The following LRRC4C variants were observed in gnomAD, a reference collection of about 807,000 sequenced individuals.
The protein encoded by LRRC4C is leucine-rich repeat-containing protein 4C.
A neutral mutation model predicts 33.6 loss-of-function variants in LRRC4C; 5 were observed. That is an observed-to-expected ratio of 0.15 (90% CI 0.08 to 0.31). The LOEUF (loss-of-function observed/expected upper bound fraction) is 0.31. Among genes scored for constraint, LRRC4C ranks in the 10% least tolerant of loss-of-function variants. The pLI is 1.00. For synonymous variants in LRRC4C, 329 were observed against 302.0 expected, an observed-to-expected ratio of 1.09 and a Z score of -0.93; for missense variants, 560 against 796.7, an observed-to-expected ratio of 0.70 and a Z score of 3.58.
At chr11:41,302,666 A>C (rs1208019304) in intron 1 of LRRC4C, among the ~76,000 whole-genome samples, 1 of 152,196 alleles carries the variant, frequency 6.6e-6, no homozygotes. Context: ...AAATGTATTC[A>C]TTATTATTTT....
intron 3 of LRRC4C, among the ~76,000 whole-genome samples, chr11:40,462,898 A>G (rs1411677225): frequency 6.6e-6 from 1 of 152,080 alleles, no homozygotes; most frequent in Non-Finnish European, 1.5e-5. Flanking sequence ...CAAAAAATGG[A>G]TGAAGAATCT....
At chr11:40,676,406 G>T (rs1452648190) in intron 2 of LRRC4C, among the ~76,000 whole-genome samples, 15 of 152,250 alleles carry the variant, frequency 9.9e-5, no homozygotes, top group Non-Finnish European at 2.9e-5. Flanking sequence ...CTACACTGTA[G>T]GAATTCCCTC....
chr11:40,555,438 C>CA (rs1379764866), intron 3 of LRRC4C, among the ~76,000 whole-genome samples: 1 of 151,950 alleles, frequency 6.6e-6, no homozygotes, highest in Non-Finnish European at 1.5e-5. Context: ...TATTTTGGAC[C>CA]AAAAAACAGC....
chr11:40,455,568 T>C (rs1952092365), intron 3 of LRRC4C, among the ~76,000 whole-genome samples: 2 of 152,220 alleles, frequency 1.3e-5, no homozygotes, highest in Non-Finnish European at 2.9e-5. Flanking sequence ...GCTTGAATTG[T>C]TCATCTGTCC....
chr11:40,791,754 T>C (rs917979463), intron 2 of LRRC4C, among the ~76,000 whole-genome samples: 1 of 152,176 alleles, frequency 6.6e-6, no homozygotes. Context: ...AATAGTGTGT[T>C]CCTATTAGAT....
chr11:40,357,497 A>T (rs1230546709), intron 3 of LRRC4C, among the ~76,000 whole-genome samples: 1 of 152,150 alleles, frequency 6.6e-6, no homozygotes, highest in Admixed American at 6.6e-5. Context: ...ACCCAAATGA[A>T]CAGAGACGGT....
chr11:40,293,846 G>T (rs576803595), intron 4 of LRRC4C: 2 of 152,400 alleles, frequency 1.3e-5, no homozygotes, highest in Non-Finnish European at 1.5e-5. Context: ...GCTCCGCGCC[G>T]CCCTTAGCGC....
At chr11:41,096,889 C>T (rs1940842628) in intron 1 of LRRC4C, among the ~76,000 whole-genome samples, 1 of 152,262 alleles carries the variant, frequency 6.6e-6, no homozygotes, top group South Asian at 2.1e-4. Context: ...GAGTAAAGGT[C>T]ACCTTGGCTG....
chr11:40,158,180 G>A lies in LRRC4C; in HGVS notation c.-95-17327C>T, dbSNP rs186252886. Reference sequence around the variant, plus strand: ...ACTCAGGAATGTGAAACCATACATCGTATGTTCTCACTGATATGTGGGAGC... The same window carrying A: ...ACTCAGGAATGTGAAACCATACATCATATGTTCTCACTGATATGTGGGAGC... On this transcript the variant is annotated intron_variant, in intron 5 of 6. Coordinates refer to ENST00000528697, the MANE Select transcript of LRRC4C (RefSeq NM_001258419.2). Among the ~76,000 whole-genome samples the A allele has an allele frequency of 4.6e-5, 7 of 152,222 alleles. No homozygotes were observed. In the East Asian group the frequency reaches 5.8e-4, roughly 13 times the overall value.
chr11:40,522,178 C>A (rs1451065529), intron 3 of LRRC4C, among the ~76,000 whole-genome samples: 1 of 152,294 alleles, frequency 6.6e-6, no homozygotes, highest in Non-Finnish European at 1.5e-5. Flanking sequence ...CACATGCCAC[C>A]ATGCCTAGCT....
At chr11:41,174,255 G>A (rs1263528648) in intron 1 of LRRC4C, among the ~76,000 whole-genome samples, 2 of 151,968 alleles carry the variant, frequency 1.3e-5, no homozygotes, top group South Asian at 4.2e-4. Context: ...ATCACTTAAG[G>A]TCCCTAAAAA....
chr11:40,879,365 G>A (rs1955058473), intron 2 of LRRC4C, among the ~76,000 whole-genome samples: 1 of 152,166 alleles, frequency 6.6e-6, no homozygotes, highest in South Asian at 2.1e-4. Flanking sequence ...CAGAGCAGTT[G>A]TCAATAACAC....
intron 1 of LRRC4C, among the ~76,000 whole-genome samples, chr11:41,301,335 A>G (rs1278261198): frequency 2.6e-5 from 4 of 152,216 alleles, no homozygotes; most frequent in South Asian, 4.1e-4. Context: ...ATGAGAACCT[A>G]GTTGAATGCT....
chr11:40,550,271 T>G (rs1002146069), intron 3 of LRRC4C, among the ~76,000 whole-genome samples: 12 of 152,142 alleles, frequency 7.9e-5, no homozygotes, highest in Non-Finnish European at 1.8e-4. Flanking sequence ...TGCCTCTCCC[T>G]TAAATGGTAT....
chr11:40,696,509 C>T (rs918925636), intron 2 of LRRC4C, among the ~76,000 whole-genome samples: 3 of 147,640 alleles, frequency 2.0e-5, no homozygotes, highest in African/African-American at 5.0e-5. Flanking sequence ...AATGTATTTC[C>T]CTGGAAGTGC....
intron 1 of LRRC4C, among the ~76,000 whole-genome samples, chr11:41,164,902 G>C (rs1944649977): frequency 6.6e-6 from 1 of 152,098 alleles, no homozygotes. Context: ...AGAATCCAGG[G>C]CTCGTGGCTC....
Position 40,114,354 on chromosome 11 carries a change from T to C in LRRC4C, c.*16A>G. 6.5e-7 allele frequency: 1 copy of C among 1,547,604 alleles called. No homozygotes were observed. Among genetic ancestry groups the C allele is most frequent in the Non-Finnish European group, 8.7e-7 (1 of 1,149,216 alleles). On this transcript the variant is annotated 3_prime_UTR_variant, in exon 7 of 7. Coordinates refer to ENST00000528697, the MANE Select transcript of LRRC4C (RefSeq NM_001258419.2). ...TTTTTTTTTGATTGTTTGTTTTTTGTAACTCTGTAAATGTTTTAGATTTGA... is the reference window on the plus strand; with the variant it reads ...TTTTTTTTTGATTGTTTGTTTTTTGCAACTCTGTAAATGTTTTAGATTTGA...
intron 1 of LRRC4C, among the ~76,000 whole-genome samples, chr11:41,150,311 G>GT: frequency 6.6e-6 from 1 of 152,280 alleles, no homozygotes; most frequent in East Asian, 1.9e-4. Flanking sequence ...TTTACAGCAG[G>GT]TTCTTAGAAA....
chr11:40,183,629 A>T (rs1225194012), intron 5 of LRRC4C, among the ~76,000 whole-genome samples: 2 of 152,248 alleles, frequency 1.3e-5, no homozygotes, highest in Non-Finnish European at 2.9e-5. Context: ...TGATCTCATT[A>T]TAAAACCAAT....
Sources: allele counts gnomAD v4.1 joint callset (sites outside exome capture counted in the v4.1 genomes callset), GRCh38; gene constraint gnomAD v4.1.1; transcripts MANE v1.5; gene names NCBI Gene and HGNC (gene_info 2026-07-23, HGNC 2026-07-21).